FAR2: variants seen among roughly 807,000 people sequenced by gnomAD.
FAR2 encodes fatty acyl-CoA reductase 2.
FAR2 carries 19 observed loss-of-function variants against 56.0 expected under a neutral mutation model. The observed-to-expected ratio is 0.34, with a 90% CI of 0.24 to 0.50. FAR2 has a LOEUF of 0.50. FAR2 is among the 20% of genes least tolerant of loss of function. FAR2 has a pLI of 0.98. For synonymous variants in FAR2, 219 were observed against 218.8 expected (o/e 1.00, Z -0.01); for missense variants, 508 against 642.2 (o/e 0.79, Z 2.26).
At chr12:29,188,767 GTTTGTTT>G (rs1375919537) in intron 1 of FAR2, among the ~76,000 whole-genome samples, 3 of 148,118 alleles carry the variant, frequency 2.0e-5, no homozygotes, top group East Asian at 2.0e-4. Flanking sequence ...TTGTTTGATT[GTTTGTTT>G]TTTGTTTTTT....
chr12:29,288,886 G>T (rs1948915000), intron 2 of FAR2, among the ~76,000 whole-genome samples: 1 of 152,062 alleles, frequency 6.6e-6, no homozygotes, highest in African/African-American at 2.4e-5. Context: ...GGCATAAAGA[G>T]ATGAATAAGA....
At chr12:29,273,647 G>A (rs907071318) in intron 2 of FAR2, among the ~76,000 whole-genome samples, 1 of 152,248 alleles carries the variant, frequency 6.6e-6, no homozygotes, top group African/African-American at 2.4e-5. Flanking sequence ...AAATGGCTTA[G>A]ACAGCAGGTG....
chr12:29,251,662 G>A (rs1038123086), intron 1 of FAR2, among the ~76,000 whole-genome samples: 1 of 152,154 alleles, frequency 6.6e-6, no homozygotes, highest in South Asian at 2.1e-4. Context: ...TGGAGTGAGG[G>A]CATTATGGTG....
intron 2 of FAR2, among the ~76,000 whole-genome samples, chr12:29,278,194 G>A (rs926218444): frequency 6.6e-6 from 1 of 151,854 alleles, no homozygotes; most frequent in African/African-American, 2.4e-5. Context: ...GTCTCCCAAA[G>A]TGCTAGGATT....
At chr12:29,327,835 C>T (rs10771518) in intron 10 of FAR2, among the ~76,000 whole-genome samples, 151,245 of 152,122 alleles carry the variant, frequency 0.99, 75,193 homozygotes, top group East Asian at 1. Context: ...ATTCAGGACA[C>T]AGGCATGGGG....
chr12:29,284,171 A>C (rs949090092), intron 2 of FAR2, among the ~76,000 whole-genome samples: 15 of 152,248 alleles, frequency 9.9e-5, no homozygotes, highest in Admixed American at 3.3e-4. Context: ...AATTATTAAA[A>C]GTGATGTAGC....
intron 1 of FAR2, chr12:29,157,106 T>TTATTTATA (rs1555176818): frequency 1.4e-5 from 1 of 73,458 alleles, no homozygotes; most frequent in Non-Finnish European, 2.5e-5. Flanking sequence ...AAAGAACATT[T>TTATTTATA]TATATATATA....
chr12:29,219,400 AC>A (rs1761144552), intron 1 of FAR2, among the ~76,000 whole-genome samples: 1 of 152,198 alleles, frequency 6.6e-6, no homozygotes, highest in Non-Finnish European at 1.5e-5. Context: ...TCATAACATA[AC>A]ATAGGTGGTA....
intron 8 of FAR2, among the ~76,000 whole-genome samples, chr12:29,313,271 C>A (rs2136793818): frequency 6.6e-6 from 1 of 152,190 alleles, no homozygotes; most frequent in Non-Finnish European, 1.5e-5. Context: ...TCAACCTGTG[C>A]ATAACTTTTG....
In FAR2 at chr12:29,183,494, C is replaced by T. The variant is rs545224758; in HGVS notation, c.-39+34087C>T. Among the ~76,000 whole-genome samples the T allele has an allele frequency of 7.2e-5, 11 of 152,306 alleles. No homozygotes were observed. In the South Asian group the frequency reaches 2.1e-3, roughly 29 times the overall value. ...CCAAACTAGGTTTCTTCTAAGTCTT[C>T]CTGGCCTATATGAATGAAGTCTGAA... On this transcript the variant is annotated intron_variant, in intron 1 of 11. Transcript: ENST00000536681.
In FAR2 at chr12:29,305,709, G is replaced by A. The variant is rs907706574; in HGVS notation, c.546-1949G>A. ...AGTATAATTATTGCCATTTTCACAA[G>A]TACAATTGGAATGAAAAGATAAAAC... On this transcript the variant is annotated intron_variant, in intron 4 of 11. Coordinates refer to ENST00000536681, the MANE Select transcript of FAR2 (RefSeq NM_001271783.2). 2.0e-5 allele frequency among the ~76,000 whole-genome samples: 3 copies of A among 152,078 alleles called. No individual in the cohort carries two copies. In the East Asian group the frequency reaches 5.8e-4, roughly 29 times the overall value.
At chr12:29,331,966 A>G (rs1400035434) in intron 10 of FAR2, 3 of 152,032 alleles carry the variant, frequency 2.0e-5, no homozygotes, top group Non-Finnish European at 2.9e-5. Flanking sequence ...CACTCTCTGT[A>G]TCTGTCTTCT....
At chr12:29,292,560 G>T (rs1047433938) in intron 2 of FAR2, among the ~76,000 whole-genome samples, 4 of 152,156 alleles carry the variant, frequency 2.6e-5, no homozygotes, top group African/African-American at 9.7e-5. Context: ...AACTGTTAAA[G>T]ATCTTTCTGG....
At chr12:29,285,728 G>A (rs1948864037) in intron 2 of FAR2, among the ~76,000 whole-genome samples, 2 of 152,082 alleles carry the variant, frequency 1.3e-5, no homozygotes, top group African/African-American at 4.8e-5. Context: ...AGACCATTCT[G>A]GCCAACATAA....
At chr12:29,311,272 A>T in intron 7 of FAR2, 126 bp downstream of exon 7, 1 of 666,980 alleles carries the variant, frequency 1.5e-6, no homozygotes, top group Non-Finnish European at 2.7e-6. Flanking sequence ...GTATTTCAAT[A>T]TTTTATAGAG....
intron 1 of FAR2, among the ~76,000 whole-genome samples, chr12:29,166,745 G>A (rs1375759225): frequency 6.6e-6 from 1 of 152,170 alleles, no homozygotes; most frequent in Admixed American, 6.5e-5. Context: ...CATTGCTCCA[G>A]ACAGCTATAT....
At chr12:29,236,965 C>A (rs916929155) in intron 1 of FAR2, among the ~76,000 whole-genome samples, 1 of 152,158 alleles carries the variant, frequency 6.6e-6, no homozygotes, top group South Asian at 2.1e-4. Context: ...AATTCTTGAT[C>A]ATCACTAGCC....
At chr12:29,324,088 C>A (rs1213115962) in intron 10 of FAR2, among the ~76,000 whole-genome samples, 1 of 152,190 alleles carries the variant, frequency 6.6e-6, no homozygotes, top group African/African-American at 2.4e-5. Context: ...GGCTCGAGAA[C>A]TACGTGACGA....
intron 1 of FAR2, among the ~76,000 whole-genome samples, chr12:29,158,713 C>G (rs1425084016): frequency 6.6e-6 from 1 of 152,250 alleles, no homozygotes; most frequent in Non-Finnish European, 1.5e-5. Flanking sequence ...ATCACACCAT[C>G]TTGTCTACAG....
Sources: gnomAD v4.1 joint callset for allele counts (sites outside exome capture counted in the v4.1 genomes callset) on GRCh38, gnomAD v4.1.1 for gene constraint, MANE v1.5 for transcripts, NCBI Gene and HGNC (gene_info 2026-07-23, HGNC 2026-07-21) for gene names.